Variants in PDZD8 observed in about 807,000 individuals in gnomAD.
PDZD8 encodes the protein PDZ domain containing 8.
In PDZD8, 14 loss-of-function variants were observed where a neutral mutation model predicts 85.8. The ratio of observed to expected loss-of-function variants is 0.16; its 90% CI spans 0.11 to 0.26. PDZD8 has a LOEUF of 0.26. Ranked by LOEUF, PDZD8 falls within the 10% of genes least tolerant of loss-of-function variation. The pLI, the probability that PDZD8 is intolerant of heterozygous loss-of-function variation, is 1.00. For missense variants in PDZD8, 1,197 were observed against 1,424.3 expected (o/e 0.84, Z 2.57); for synonymous variants, 592 against 568.6 (o/e 1.04, Z -0.59).
At chr10:117,340,616 G>T (rs1258492171) in intron 2 of PDZD8, among the ~76,000 whole-genome samples, 1 of 152,084 alleles carries the variant, frequency 6.6e-6, no homozygotes, top group African/African-American at 2.4e-5. Flanking sequence ...TATCATGATG[G>T]TCCTGAATAA....
intron 4 of PDZD8, chr10:117,285,739 G>C: frequency 1.8e-6 from 2 of 1,135,536 alleles, no homozygotes; most frequent in Non-Finnish European, 2.2e-6. Context: ...AGAGTGCCAG[G>C]ATGCTAACTC....
chr10:117,335,550 G>T (rs1209607541), intron 2 of PDZD8, among the ~76,000 whole-genome samples: 3 of 152,046 alleles, frequency 2.0e-5, no homozygotes, highest in South Asian at 4.1e-4. Context: ...TACAGTTCTG[G>T]GTTTGCAGAA....
At chr10:117,364,938 A>G (rs747067725) in intron 1 of PDZD8, among the ~76,000 whole-genome samples, 2 of 151,736 alleles carry the variant, frequency 1.3e-5, no homozygotes, top group Non-Finnish European at 2.9e-5. Context: ...GGGAGAGGGA[A>G]GAAGGTAAGA....
chr10:117,364,548 A>C (rs10886064), intron 1 of PDZD8, among the ~76,000 whole-genome samples: 34,994 of 151,766 alleles, frequency 0.23, 4,685 homozygotes, highest in East Asian at 0.43. Flanking sequence ...AAAGGGCTAA[A>C]CCACTATTTT....
chr10:117,346,862 T>C (rs903918174), intron 1 of PDZD8, among the ~76,000 whole-genome samples: 23 of 151,988 alleles, frequency 1.5e-4, no homozygotes, highest in Non-Finnish European at 5.9e-5. Context: ...GCCAGTCTTT[T>C]TGGGGCTATG....
intron 2 of PDZD8, among the ~76,000 whole-genome samples, chr10:117,337,645 C>A (rs1844540114): frequency 6.6e-6 from 1 of 151,998 alleles, no homozygotes; most frequent in African/African-American, 2.4e-5. Context: ...AAAAAACATG[C>A]CGTTTTTTCT....
chr10:117,349,945 CAATT>C lies in PDZD8; in HGVS notation c.873-8847_873-8844del, dbSNP rs201463848. On this transcript the variant is annotated intron_variant, in intron 1 of 4. Coordinates refer to ENST00000334464, the MANE Select transcript of PDZD8 (RefSeq NM_173791.5). ...AGTGAAATCTTTTATCTTCTGAAGCCAATTAATAGTCACTGTCTAAAGCTTCTGA... is the reference window on the plus strand; with the variant it reads ...AGTGAAATCTTTTATCTTCTGAAGCCAATAGTCACTGTCTAAAGCTTCTGA... Among the ~76,000 whole-genome samples the C allele has an allele frequency of 9.4e-4, 143 of 152,142 alleles. 3 individuals are homozygous for C. In the East Asian group the frequency reaches 0.024, roughly 25 times the overall value.
intron 2 of PDZD8, among the ~76,000 whole-genome samples, chr10:117,325,245 A>G (rs1844294585): frequency 6.6e-6 from 1 of 151,916 alleles, no homozygotes; most frequent in African/African-American, 2.4e-5. Context: ...GAAACTCAGG[A>G]TATTTTTGGG....
chr10:117,369,689 C>A (rs1199334858), intron 1 of PDZD8, among the ~76,000 whole-genome samples: 1 of 152,102 alleles, frequency 6.6e-6, no homozygotes, highest in African/African-American at 2.4e-5. Flanking sequence ...TAAGGGGGGA[C>A]TATAAACTCC....
chr10:117,349,432 T>C (rs959786090), intron 1 of PDZD8, among the ~76,000 whole-genome samples: 2 of 152,198 alleles, frequency 1.3e-5, no homozygotes, highest in African/African-American at 2.4e-5. Flanking sequence ...TAATAAACAG[T>C]ACTTACATAG....
rs566238114 is a variant in PDZD8 at position 117,295,949 on chromosome 10, A to G, written c.1099-5601T>C. On this transcript the variant is annotated intron_variant, in intron 3 of 4. Coordinates refer to ENST00000334464, the MANE Select transcript of PDZD8 (RefSeq NM_173791.5). The stretch of plus-strand genomic sequence containing the variant: ...AACAAGGCAAGGATTTCTGCTCTTA[A>G]CACTTCAACACTGTACTGGAAGTTA... Among the ~76,000 whole-genome samples the G allele has an allele frequency of 3.3e-5, 5 of 152,194 alleles. No homozygotes were observed. In the South Asian group the frequency reaches 1.0e-3, roughly 31 times the overall value.
chr10:117,375,140 G>C lies in PDZD8; in HGVS notation c.88C>G (p.Gln30Glu). Residue 30 changes from glutamine (Q) to glutamate (E), a missense_variant, in exon 1 of 5, where the codon CAG becomes GAG. Around this residue, in one of 4 missense-constraint regions of PDZD8, gnomAD observed 172 missense variants for 137.8 expected, o/e 1.25. Coordinates refer to ENST00000334464, the MANE Select transcript of PDZD8 (RefSeq NM_173791.5). ...LAQFFLLYRRQPEPPADEAAR... is the reference protein window; with the variant it reads ...LAQFFLLYRREPEPPADEAAR... ...GCCTCGTCCGCCGGCGGCTCGGGCTGTCTGCGGTACAGCAGGAAGAACTGG... is the reference window on the plus strand; with the variant it reads ...GCCTCGTCCGCCGGCGGCTCGGGCTCTCTGCGGTACAGCAGGAAGAACTGG... 1 of 1,590,354 alleles carries C rather than the reference G, an allele frequency of 6.3e-7. No homozygotes were observed. Among genetic ancestry groups the C allele is most frequent in the Non-Finnish European group, 8.5e-7 (1 of 1,174,546 alleles).
intron 2 of PDZD8, among the ~76,000 whole-genome samples, chr10:117,338,835 G>C (rs975934299): frequency 6.6e-6 from 1 of 152,068 alleles, no homozygotes; most frequent in Non-Finnish European, 1.5e-5. Flanking sequence ...AGTACTGCAG[G>C]TAAAGCAAAA....
intron 4 of PDZD8, 44 bp from the exon 5 acceptor site, chr10:117,285,515 T>G: frequency 6.9e-7 from 1 of 1,457,732 alleles, no homozygotes; most frequent in Non-Finnish European, 9.2e-7. Flanking sequence ...ATTATTGCAA[T>G]AGAAATTACT....
At chr10:117,286,008 A>G (rs1003934171) in intron 4 of PDZD8, among the ~76,000 whole-genome samples, 2 of 152,258 alleles carry the variant, frequency 1.3e-5, no homozygotes, top group Non-Finnish European at 2.9e-5. Context: ...ACTTTTACAG[A>G]TTCTTTTTAT....
At chr10:117,321,140 T>C (rs1454716157) in intron 2 of PDZD8, among the ~76,000 whole-genome samples, 15 of 152,170 alleles carry the variant, frequency 9.9e-5, no homozygotes, top group Non-Finnish European at 5.9e-5. Context: ...ATTTCACTCC[T>C]AGGTGTGTAA....
At chr10:117,318,530 A>G (rs912503102) in intron 3 of PDZD8, among the ~76,000 whole-genome samples, 1 of 152,136 alleles carries the variant, frequency 6.6e-6, no homozygotes, top group Non-Finnish European at 1.5e-5. Context: ...CTCATAAAAT[A>G]TCTGTCCAAT....
intron 2 of PDZD8, among the ~76,000 whole-genome samples, chr10:117,321,475 G>C (rs1236980733): frequency 6.6e-6 from 1 of 152,130 alleles, no homozygotes; most frequent in East Asian, 1.9e-4. Context: ...TAGGGTTGCA[G>C]GAGGAGTACT....
In PDZD8 at chr10:117,283,244, T is replaced by C. The variant is rs753192002; in HGVS notation, c.*24A>G. 1.9e-6 allele frequency: 3 copies of C among 1,575,704 alleles called. No homozygotes were observed. In the Admixed American group the frequency reaches 5.6e-5, roughly 30 times the overall value. On this transcript the variant is annotated 3_prime_UTR_variant, in exon 5 of 5. Transcript: ENST00000334464. ...TAGATGCAACTTTACCCTGTTCATT[T>C]GAAAGCTTAAATAGACCTGTCTGCT...
Sources: gnomAD v4.1 joint callset for allele counts (sites outside exome capture counted in the v4.1 genomes callset) on GRCh38, gnomAD v4.1.1 for gene constraint, gnomAD v4.1.1 regional missense constraint, MANE v1.5 for transcripts, NCBI Gene and HGNC (gene_info 2026-07-23, HGNC 2026-07-21) for gene names.